The following KCND2 variants were observed in gnomAD, a reference collection of about 807,000 sequenced individuals.
KCND2 encodes potassium voltage-gated channel subfamily D member 2.
In KCND2, 16 loss-of-function variants were observed where a neutral mutation model predicts 54.4. That is an observed-to-expected ratio of 0.29 (90% CI 0.20 to 0.45). The LOEUF (loss-of-function observed/expected upper bound fraction) is 0.45, where lower values mean the gene tolerates loss of function less well. Ranked by LOEUF, KCND2 falls within the 20% of genes least tolerant of loss-of-function variation. The pLI is 1.00. For synonymous variants in KCND2, 317 were observed against 310.7 expected (o/e 1.02, Z -0.21); for missense variants, 486 against 824.2 (o/e 0.59, Z 5.02).
At chr7:120,324,336 G>A (rs1321153931) in intron 1 of KCND2, among the ~76,000 whole-genome samples, 6 of 147,990 alleles carry the variant, frequency 4.1e-5, no homozygotes, top group Non-Finnish European at 7.5e-5. Flanking sequence ...GGCTTTTGTT[G>A]CCATTGCTTT....
chr7:120,296,163 C>G (rs527259218), intron 1 of KCND2, among the ~76,000 whole-genome samples: 2 of 152,040 alleles, frequency 1.3e-5, no homozygotes, highest in Non-Finnish European at 2.9e-5. Context: ...CATTCAGTCT[C>G]CTTTTGGCAG....
chr7:120,686,366 A>G (rs934036905), intron 1 of KCND2, among the ~76,000 whole-genome samples: 1 of 151,854 alleles, frequency 6.6e-6, no homozygotes, highest in African/African-American at 2.4e-5. Flanking sequence ...ACCATTTTCC[A>G]CCCCCACGAA....
intron 1 of KCND2, among the ~76,000 whole-genome samples, chr7:120,427,246 A>T (rs1379880654): frequency 6.6e-6 from 1 of 152,110 alleles, no homozygotes; most frequent in Non-Finnish European, 1.5e-5. Flanking sequence ...AAGGACACCA[A>T]ATTCCTAGGA....
chr7:120,467,472 T>A (rs1194711335), intron 1 of KCND2, among the ~76,000 whole-genome samples: 1 of 152,094 alleles, frequency 6.6e-6, no homozygotes, highest in African/African-American at 2.4e-5. Flanking sequence ...TTGGAGGCCA[T>A]CAGGTGTTCT....
At chr7:120,707,640 C>T (rs79920990) in intron 1 of KCND2, among the ~76,000 whole-genome samples, 3 of 152,124 alleles carry the variant, frequency 2.0e-5, no homozygotes, top group South Asian at 2.1e-4. Flanking sequence ...CTTAAGCTTA[C>T]GATTTATCAA....
At chr7:120,628,303 T>C (rs1194835660) in intron 1 of KCND2, among the ~76,000 whole-genome samples, 1 of 152,168 alleles carries the variant, frequency 6.6e-6, no homozygotes, top group Admixed American at 6.5e-5. Context: ...ATAAACCAAA[T>C]TCATGCTATT....
At chr7:120,289,898 A>G (rs1216662208) in intron 1 of KCND2, among the ~76,000 whole-genome samples, 1 of 152,158 alleles carries the variant, frequency 6.6e-6, no homozygotes, top group South Asian at 2.1e-4. Flanking sequence ...CACTGAAGCA[A>G]TACACATACG....
intron 1 of KCND2, among the ~76,000 whole-genome samples, chr7:120,382,860 A>T (rs1162620082): frequency 6.6e-6 from 1 of 151,734 alleles, no homozygotes; most frequent in African/African-American, 2.4e-5. Flanking sequence ...TTTGGTTTTG[A>T]TATGTATTAT....
chr7:120,710,151 G>C (rs1229752389), intron 1 of KCND2, among the ~76,000 whole-genome samples: 4 of 152,088 alleles, frequency 2.6e-5, no homozygotes, highest in African/African-American at 9.7e-5. Flanking sequence ...ATTTTACCAA[G>C]ATAAAGATAC....
intron 1 of KCND2, among the ~76,000 whole-genome samples, chr7:120,560,122 C>T (rs1378155465): frequency 6.6e-6 from 1 of 152,002 alleles, no homozygotes; most frequent in African/African-American, 2.4e-5. Context: ...ATTGTTGGGT[C>T]GTTCTCAGTT....
chr7:120,542,073 A>G (rs2116382147), intron 1 of KCND2, among the ~76,000 whole-genome samples: 1 of 152,232 alleles, frequency 6.6e-6, no homozygotes, highest in South Asian at 2.1e-4. Context: ...TATTTGCTTA[A>G]CACAAGTGGG....
At chr7:120,738,242 G>A (rs981035126) in intron 2 of KCND2, among the ~76,000 whole-genome samples, 1 of 152,070 alleles carries the variant, frequency 6.6e-6, no homozygotes, top group Admixed American at 6.6e-5. Context: ...TGAGGAACCC[G>A]GGAGCAAAGG....
At chr7:120,569,759 T>G (rs914678966) in intron 1 of KCND2, among the ~76,000 whole-genome samples, 1 of 152,122 alleles carries the variant, frequency 6.6e-6, no homozygotes, top group African/African-American at 2.4e-5. Context: ...AAACACAGTA[T>G]AATATTTCTC....
chr7:120,518,318 A>T (rs903206819), intron 1 of KCND2, among the ~76,000 whole-genome samples: 3 of 152,318 alleles, frequency 2.0e-5, no homozygotes, highest in African/African-American at 7.2e-5. Context: ...AATAATTTTT[A>T]TAATGGAAAT....
At chr7:120,677,546 T>C (rs540345528) in intron 1 of KCND2, among the ~76,000 whole-genome samples, 12 of 135,510 alleles carry the variant, frequency 8.9e-5, no homozygotes, top group Non-Finnish European at 1.8e-4. Context: ...GATATAGATA[T>C]AGATATATAG....
chr7:120,408,150 A>G (rs1161027006), intron 1 of KCND2, among the ~76,000 whole-genome samples: 2 of 151,962 alleles, frequency 1.3e-5, no homozygotes, highest in Non-Finnish European at 2.9e-5. Context: ...AGGGATGCGA[A>G]GGAGAAGGAA....
At chr7:120,395,632 C>A (rs1426492367) in intron 1 of KCND2, among the ~76,000 whole-genome samples, 1 of 151,978 alleles carries the variant, frequency 6.6e-6, no homozygotes, top group East Asian at 1.9e-4. Context: ...TATTTATACC[C>A]ACTTCTAATT....
intron 1 of KCND2, among the ~76,000 whole-genome samples, chr7:120,713,404 CA>C (rs1274642557): frequency 6.6e-6 from 1 of 152,164 alleles, no homozygotes; most frequent in Admixed American, 6.6e-5. Context: ...AGTACAATGT[CA>C]CATGGCTAGC....
chr7:120,511,986 G>A (rs1226024782), intron 1 of KCND2, among the ~76,000 whole-genome samples: 1 of 152,018 alleles, frequency 6.6e-6, no homozygotes, highest in Non-Finnish European at 1.5e-5. Flanking sequence ...TTGGAGCAAT[G>A]TGAGATAAAT....
Sources: gnomAD v4.1 joint callset for allele counts (sites outside exome capture counted in the v4.1 genomes callset) on GRCh38, gnomAD v4.1.1 for gene constraint, MANE v1.5 for transcripts, NCBI Gene and HGNC (gene_info 2026-07-23, HGNC 2026-07-21) for gene names.